The following LRIT1 variants were observed in gnomAD, a reference collection of about 807,000 sequenced individuals.
The protein encoded by LRIT1 is leucine rich repeat, Ig-like and transmembrane domains 1.
In LRIT1, 23 loss-of-function variants were observed where a neutral mutation model predicts 24.0. The ratio of observed to expected loss-of-function variants is 0.96; its 90% CI spans 0.69 to 1.36. The LOEUF is 1.36. Among genes scored for constraint, LRIT1 ranks in the 40% most tolerant of loss-of-function variants. LRIT1 has a pLI of 0.00. For synonymous variants in LRIT1, 361 were observed against 340.5 expected (o/e 1.06, Z -0.66); for missense variants, 846 against 806.3 (o/e 1.05, Z -0.60).
In LRIT1 at chr10:84,234,119, G is replaced by C. The variant is rs376960383; in HGVS notation, c.849C>G (p.Pro283=). Residue 283 remains proline, a synonymous_variant, in exon 3 of 4, where the codon CCC becomes CCG. Coordinates refer to ENST00000372105, the MANE Select transcript of LRIT1 (RefSeq NM_015613.3). ...LRCGATGVPG[P]EMSWRRANGR... is the part of the protein sequence containing the mutation. ...CATTGGCCCTCCTCCAGCTCATCTCGGGCCCAGGGACTCCAGTAGCTCCAC... is the reference window on the plus strand; with the variant it reads ...CATTGGCCCTCCTCCAGCTCATCTCCGGCCCAGGGACTCCAGTAGCTCCAC... 3 of 1,591,116 alleles carry C rather than the reference G, an allele frequency of 1.9e-6. No individual in the cohort carries two copies. The highest frequency in any genetic ancestry group is 2.6e-6 in the Non-Finnish European group (3 of 1,168,380).
Position 84,237,598 on chromosome 10 carries a change from T to A in LRIT1, c.211A>T (p.Ile71Leu), listed in dbSNP as rs1287535334. 1 of 1,606,818 alleles carries A rather than the reference T, an allele frequency of 6.2e-7. No homozygotes were observed. The highest frequency in any genetic ancestry group is 1.1e-5 in the South Asian group (1 of 91,064). ...TSRLRLERTA[I>L]RRVPGEAFRP... ...AAGGCCTCGCCAGGAACCCTGCGTA[T>A]GGCCGTCCGCTCCAGGCGCAGTCTG... The change falls in exon 2 of 4, where the codon ATA becomes TTA. Residue 71 changes from isoleucine to leucine, a missense_variant. By Grantham distance (5) the Ile-to-Leu change is conservative. Transcript: ENST00000372105.
Position 84,232,392 on chromosome 10 carries a change from G to A in LRIT1, c.1407C>T (p.His469=). 2 of 1,614,076 alleles carry A rather than the reference G, an allele frequency of 1.2e-6. No homozygotes were observed. Among genetic ancestry groups the A allele is most frequent in the Non-Finnish European group, 1.7e-6 (2 of 1,180,014 alleles). The change falls in exon 4 of 4, where the codon CAC becomes CAT. Residue 469 remains histidine, a synonymous_variant. Coordinates refer to ENST00000372105, the MANE Select transcript of LRIT1 (RefSeq NM_015613.3). ...FSVLYAVFGQ[H]SMRRVIVQPG... is the part of the protein sequence containing the mutation. Reference sequence around the variant, plus strand: ...GCTGCACAATCACCCGCCGCATGCTGTGCTGCCCAAAGACCGCGTAGAGGA... The same window carrying A: ...GCTGCACAATCACCCGCCGCATGCTATGCTGCCCAAAGACCGCGTAGAGGA...
At chr10:84,236,243 C>G (rs532948267) in intron 2 of LRIT1, among the ~76,000 whole-genome samples, 11 of 151,804 alleles carry the variant, frequency 7.2e-5, no homozygotes, top group African/African-American at 2.7e-4. Flanking sequence ...TTGCAGTGAG[C>G]CGAGGTCGTG....
rs1842597376 is a variant in LRIT1, at chr10:84,231,714, A to G, written c.*213T>C. ...ATGCCTGCTGCAAATGATTGTTACA[A>G]GAATTTAGCACTTAGAACACTTTCT... On this transcript the variant is annotated 3_prime_UTR_variant, in exon 4 of 4. Coordinates refer to ENST00000372105, the MANE Select transcript of LRIT1 (RefSeq NM_015613.3). The G allele has an allele frequency of 1.2e-5, 7 of 569,092 alleles. No individual in the cohort carries two copies. In the Admixed American group the frequency reaches 2.2e-4, roughly 18 times the overall value. The allele number at this position is 569,092 out of a possible 1,614,324, so 35.3% of individuals were successfully genotyped here.
intron 2 of LRIT1, 23 bp downstream of exon 2, chr10:84,237,197 A>C: frequency 6.6e-7 from 1 of 1,514,202 alleles, no homozygotes; most frequent in East Asian, 2.5e-5. Context: ...CTAAGACCCC[A>C]GGTGAAGGTT....
chr10:84,240,802 C>T (rs368239758), intron 1 of LRIT1, among the ~76,000 whole-genome samples: 7 of 151,756 alleles, frequency 4.6e-5, no homozygotes, highest in African/African-American at 1.2e-4. Context: ...ATCTGGCCAG[C>T]GAAGATGGAG....
Position 84,231,896 on chromosome 10 carries a change from G to A in LRIT1, c.*31C>T. 3 of 1,573,986 alleles carry A rather than the reference G, an allele frequency of 1.9e-6. No homozygotes were observed. The highest frequency in any genetic ancestry group is 2.6e-6 in the Non-Finnish European group (3 of 1,159,552). On this transcript the variant is annotated 3_prime_UTR_variant, in exon 4 of 4. Coordinates refer to ENST00000372105, the MANE Select transcript of LRIT1 (RefSeq NM_015613.3). ...CAGAGCTAAAGAAGGAGCGTGGGCA[G>A]GCAGGTGTGTGAGTTGCGGAGGCAT...
rs367570478 is a variant in LRIT1, at chr10:84,231,888, C to A, written c.*39G>T. On this transcript the variant is annotated 3_prime_UTR_variant, in exon 4 of 4. Coordinates refer to ENST00000372105, the MANE Select transcript of LRIT1 (RefSeq NM_015613.3). ...TCAGGTGTCAGAGCTAAAGAAGGAG[C>A]GTGGGCAGGCAGGTGTGTGAGTTGC... 166 of 1,562,584 alleles carry A rather than the reference C, an allele frequency of 1.1e-4. No individual in the cohort carries two copies. The African/African-American group carries it at 2.0e-3, about 19-fold the overall frequency.
rs373503467 is a variant in LRIT1, at chr10:84,241,302, G to A, written c.122+16C>T. On this transcript the variant is annotated intron_variant, in intron 1 of 3. Transcript: ENST00000372105. ...ATGGAGGCTGGGCTGCCCGTCCCACGCACCCGGTACCATACCTGGCCTTGC... is the reference window on the plus strand; with the variant it reads ...ATGGAGGCTGGGCTGCCCGTCCCACACACCCGGTACCATACCTGGCCTTGC... The A allele has an allele frequency of 7.0e-5, 113 of 1,613,718 alleles. No homozygotes were observed. The African/African-American group carries it at 1.1e-3, about 15-fold the overall frequency.
At chr10:84,234,621 AC>A (rs1842633405) in intron 2 of LRIT1, among the ~76,000 whole-genome samples, 1 of 152,188 alleles carries the variant, frequency 6.6e-6, no homozygotes, top group Admixed American at 6.5e-5. Context: ...CATATTAAGT[AC>A]CGGGTAGATA....
chr10:84,241,416 G>A lies in LRIT1; in HGVS notation c.24C>T (p.Leu8=). The A allele has an allele frequency of 2.5e-6, 4 of 1,603,892 alleles. No individual in the cohort carries two copies. The highest frequency in any genetic ancestry group is 3.4e-6 in the Non-Finnish European group (4 of 1,175,718). The part of the protein sequence containing the change: MRVALGM[L]WLLALAWPPQ... Reference sequence around the variant, plus strand: ...GGGGCCACGCAAGGGCCAAGAGCCAGAGCATGCCTAATGCCACCCTCATGG... The same window carrying A: ...GGGGCCACGCAAGGGCCAAGAGCCAAAGCATGCCTAATGCCACCCTCATGG... Residue 8 remains leucine, a synonymous_variant, in exon 1 of 4, where the codon CTC becomes CTT. Coordinates refer to ENST00000372105, the MANE Select transcript of LRIT1 (RefSeq NM_015613.3).
At chr10:84,241,075 C>T (rs1842686986) in intron 1 of LRIT1, among the ~76,000 whole-genome samples, 1 of 152,176 alleles carries the variant, frequency 6.6e-6, no homozygotes, top group South Asian at 2.1e-4. Context: ...CTTCTTAGAA[C>T]TGACATACTT....
At chr10:84,233,946 C>G in intron 3 of LRIT1, 127 bp downstream of exon 3, 2 of 823,070 alleles carry the variant, frequency 2.4e-6, no homozygotes, top group Non-Finnish European at 3.5e-6. Context: ...TCAAACTCAA[C>G]TCAGACAGGT....
In LRIT1 at chr10:84,232,880, C is replaced by A. The variant is rs764126784; in HGVS notation, c.919G>T (p.Gly307Cys). The A allele has an allele frequency of 6.2e-7, 1 of 1,612,034 alleles. No individual in the cohort carries two copies. The highest frequency in any genetic ancestry group is 1.3e-5 in the African/African-American group (1 of 74,884). The change falls in exon 4 of 4, where the codon GGC becomes TGC. Residue 307 changes from glycine (G) to cysteine (C), a missense_variant. Transcript: ENST00000372105. ...GTVHQEVSSD[G>C]TSWTLLGLPA... is the part of the protein sequence containing the mutation. ...AGGCCCAGCAGAGTCCAGCTCGTGC[C>A]GTCACTGGAGACTTCCTGGTGCACT...
In LRIT1 at chr10:84,234,122, C is replaced by T. The variant is rs771487242; in HGVS notation, c.846G>A (p.Gly282=). The change falls in exon 3 of 4, where the codon GGG becomes GGA. Residue 282 remains glycine (G), a synonymous_variant. Transcript: ENST00000372105. ...TGGCCCTCCTCCAGCTCATCTCGGG[C>T]CCAGGGACTCCAGTAGCTCCACAGC... ...LLRCGATGVP[G]PEMSWRRANG... 1.9e-6 allele frequency: 3 copies of T among 1,596,160 alleles called. No individual in the cohort carries two copies. In the South Asian group the frequency reaches 3.4e-5, roughly 18 times the overall value.
Position 84,237,640 on chromosome 10 carries a change from T to C in LRIT1, c.169A>G (p.Ile57Val). Residue 57 changes from isoleucine to valine, a missense_variant, in exon 2 of 4, where the codon ATC (isoleucine) becomes GTC (valine). Physicochemically the swap from Ile to Val is conservative, Grantham distance 29 (BLOSUM62 3). Coordinates refer to ENST00000372105, the MANE Select transcript of LRIT1 (RefSeq NM_015613.3). Reference sequence around the variant, plus strand: ...CGCAGTCTGGAGGTGTCCGGGGGGATGGACGCCGGGGGCAGGGTCATGTCG... The same window carrying C: ...CGCAGTCTGGAGGTGTCCGGGGGGACGGACGCCGGGGGCAGGGTCATGTCG... ...DPDMTLPPAS[I>V]PPDTSRLRLE... 6.2e-7 allele frequency: 1 copy of C among 1,605,706 alleles called. No homozygotes were observed. Among genetic ancestry groups the C allele is most frequent in the Non-Finnish European group, 8.5e-7 (1 of 1,178,824 alleles).
Position 84,232,019 on chromosome 10 carries a change from C to T in LRIT1, c.1780G>A (p.Glu594Lys), listed in dbSNP as rs765765640. The T allele has an allele frequency of 1.1e-4, 178 of 1,613,954 alleles. No individual in the cohort carries two copies. Among genetic ancestry groups the T allele is most frequent in the Non-Finnish European group, 1.3e-4 (149 of 1,179,980 alleles). ...LEELSRHSVS[E>K]ADRLLSARSS... ...CGAGCTGAGAGAAGCCTGTCAGCCT[C>T]GCTGACACTGTGCCGGGACAGCTCC... The change falls in exon 4 of 4, where the codon GAG becomes AAG. Residue 594 changes from glutamate (E) to lysine (K), a missense_variant. Physicochemically the swap from Glu to Lys is moderately conservative, Grantham distance 56. Coordinates refer to ENST00000372105, the MANE Select transcript of LRIT1 (RefSeq NM_015613.3).
intron 2 of LRIT1, among the ~76,000 whole-genome samples, chr10:84,236,242 G>C (rs1488381351): frequency 6.6e-6 from 1 of 151,754 alleles, no homozygotes; most frequent in African/African-American, 2.4e-5. Flanking sequence ...CTTGCAGTGA[G>C]CCGAGGTCGT....
At position 84,237,649 on chromosome 10, in the gene LRIT1, G is replaced by T; in HGVS notation, c.160C>A (p.Pro54Thr). The T allele has an allele frequency of 6.2e-7, 1 of 1,605,030 alleles. No homozygotes were observed. The highest frequency in any genetic ancestry group is 8.5e-7 in the Non-Finnish European group (1 of 1,178,578). ...VCNDPDMTLP[P>T]ASIPPDTSRL... ...GAGGTGTCCGGGGGGATGGACGCCG[G>T]GGGCAGGGTCATGTCGGGGTCGTTG... Residue 54 changes from proline (P) to threonine (T), a missense_variant, in exon 2 of 4, where the codon CCG (proline) becomes ACG (threonine). By Grantham distance (38) the Pro-to-Thr change is conservative. Transcript: ENST00000372105.
Sources: allele counts gnomAD v4.1 joint callset (sites outside exome capture counted in the v4.1 genomes callset), GRCh38; gene constraint gnomAD v4.1.1; transcripts MANE v1.5; gene names NCBI Gene and HGNC (gene_info 2026-07-23, HGNC 2026-07-21).